The following PTPRN2 variants were observed in gnomAD, a reference collection of about 807,000 sequenced individuals.
The protein encoded by PTPRN2 is protein tyrosine phosphatase receptor type N2.
Under a neutral mutation model 118.8 loss-of-function variants are expected in PTPRN2, and 74 were observed. The observed-to-expected ratio is 0.62, with a 90% CI of 0.52 to 0.76. The LOEUF (loss-of-function observed/expected upper bound fraction) is 0.76. Among genes scored for constraint, PTPRN2 ranks in the 30% least tolerant of loss-of-function variants. PTPRN2 has a pLI of 0.00. For synonymous variants in PTPRN2, 641 were observed against 608.0 expected (o/e 1.05, Z -0.80); for missense variants, 1,481 against 1,394.4 (o/e 1.06, Z -0.99).
chr7:157,828,994 C>T (rs972293053), intron 12 of PTPRN2, among the ~76,000 whole-genome samples: 2 of 152,242 alleles, frequency 1.3e-5, no homozygotes, highest in African/African-American at 4.8e-5. Context: ...AAATTGATGA[C>T]ATCCCCATCT....
At chr7:157,687,823 G>A (rs1213781006) in intron 12 of PTPRN2, among the ~76,000 whole-genome samples, 1 of 152,194 alleles carries the variant, frequency 6.6e-6, no homozygotes, top group African/African-American at 2.4e-5. Flanking sequence ...GGGAAGGGGT[G>A]TCTTAAAATA....
intron 11 of PTPRN2, among the ~76,000 whole-genome samples, chr7:158,001,485 T>C (rs148879251): frequency 2.9e-3 from 434 of 151,992 alleles, no homozygotes; most frequent in African/African-American, 9.9e-3. Flanking sequence ...CAAACCTACC[T>C]CCTATACCCA....
intron 2 of PTPRN2, among the ~76,000 whole-genome samples, chr7:158,460,597 G>A (rs572455708): frequency 6.6e-6 from 1 of 151,218 alleles, no homozygotes; most frequent in Admixed American, 6.6e-5. Flanking sequence ...ACATGTTCCT[G>A]CTACGGGGGC....
rs1250534822 is a variant in PTPRN2, at chr7:158,087,731, T to C, written c.1644-6354A>G. On this transcript the variant is annotated intron_variant, in intron 10 of 22. Coordinates refer to ENST00000389418, the MANE Select transcript of PTPRN2 (RefSeq NM_002847.5). The stretch of plus-strand genomic sequence containing the variant: ...GGAGGGAGTCTTCACACAAACCTTC[T>C]TCCCTTGATGAAAGAGGGAGTCTTC... Among the ~76,000 whole-genome samples, 155 of 41,090 alleles carry C rather than the reference T, an allele frequency of 3.8e-3. 2 individuals carry two copies. The highest frequency in any genetic ancestry group is 7.5e-3 in the African/African-American group (146 of 19,546). The allele number at this position is 41,090 out of a possible 152,430, so 27.0% of individuals were successfully genotyped here.
intron 13 of PTPRN2, among the ~76,000 whole-genome samples, chr7:157,679,403 T>C (rs1796814860): frequency 6.6e-6 from 1 of 152,170 alleles, no homozygotes; most frequent in African/African-American, 2.4e-5. Flanking sequence ...ATGGGGTTGA[T>C]ATCCTGGTAA....
chr7:158,042,307 C>G (rs562072597), intron 11 of PTPRN2, among the ~76,000 whole-genome samples: 1 of 152,192 alleles, frequency 6.6e-6, no homozygotes, highest in Admixed American at 6.5e-5. Flanking sequence ...TCTTCCCCAG[C>G]AGAGGGGTCG....
At chr7:157,754,884 G>A (rs1022081042) in intron 12 of PTPRN2, among the ~76,000 whole-genome samples, 2 of 152,010 alleles carry the variant, frequency 1.3e-5, no homozygotes, top group East Asian at 3.9e-4. Context: ...AGATTATAAT[G>A]CTTTTGTTGT....
intron 12 of PTPRN2, among the ~76,000 whole-genome samples, chr7:157,714,862 C>G (rs1313607240): frequency 1.3e-5 from 2 of 151,770 alleles, no homozygotes; most frequent in East Asian, 3.9e-4. Context: ...TTCTCCTGAG[C>G]AGATTCTAGG....
intron 12 of PTPRN2, among the ~76,000 whole-genome samples, chr7:157,819,434 G>A (rs922624335): frequency 2.6e-5 from 4 of 152,176 alleles, no homozygotes; most frequent in African/African-American, 2.4e-5. Flanking sequence ...CAGGGGCTGC[G>A]CAGAGGAAGA....
At chr7:158,396,323 C>T (rs1283761672) in intron 2 of PTPRN2, among the ~76,000 whole-genome samples, 1 of 152,210 alleles carries the variant, frequency 6.6e-6, no homozygotes, top group Non-Finnish European at 1.5e-5. Context: ...ATCTCTATTT[C>T]AAACCCGCAA....
At chr7:158,136,862 A>G (rs1329708867) in intron 7 of PTPRN2, among the ~76,000 whole-genome samples, 167 bp from the exon 8 acceptor site, 2 of 152,252 alleles carry the variant, frequency 1.3e-5, no homozygotes, top group African/African-American at 4.8e-5. Flanking sequence ...ATAGCACAAA[A>G]TGGCATTCTG....
At chr7:158,171,137 C>T (rs199969966) in intron 5 of PTPRN2, among the ~76,000 whole-genome samples, 5 of 71,526 alleles carry the variant, frequency 7.0e-5, no homozygotes, top group South Asian at 9.2e-4. Flanking sequence ...CACATATATA[C>T]ACACATATAT....
chr7:157,727,212 G>C (rs767605088), intron 12 of PTPRN2, among the ~76,000 whole-genome samples: 2 of 152,204 alleles, frequency 1.3e-5, no homozygotes, highest in Non-Finnish European at 1.5e-5. Context: ...AGCAGCCAAA[G>C]GGTGGATGCA....
intron 3 of PTPRN2, among the ~76,000 whole-genome samples, chr7:158,227,297 AG>A (rs1212372208): frequency 6.6e-6 from 1 of 152,226 alleles, no homozygotes; most frequent in African/African-American, 2.4e-5. Flanking sequence ...CTCAGGAGCC[AG>A]GAGAAGAGAG....
chr7:157,677,171 G>C (rs17837794), intron 13 of PTPRN2, among the ~76,000 whole-genome samples: 8,126 of 152,246 alleles, frequency 0.053, 359 homozygotes, highest in East Asian at 0.13. Context: ...TCATACCCAG[G>C]TGTGAAAAGC....
chr7:158,097,309 C>T (rs1210420808), intron 10 of PTPRN2, among the ~76,000 whole-genome samples: 13 of 152,124 alleles, frequency 8.5e-5, no homozygotes, highest in African/African-American at 1.2e-4. Context: ...GCACCTCCCG[C>T]GCCCCGTGCA....
At chr7:158,473,670 A>G (rs1311305087) in intron 2 of PTPRN2, among the ~76,000 whole-genome samples, 4 of 152,228 alleles carry the variant, frequency 2.6e-5, no homozygotes, top group Non-Finnish European at 5.9e-5. Context: ...TCAGCCTCAG[A>G]AAATCTAGAG....
chr7:157,783,594 C>T (rs906449507), intron 12 of PTPRN2, among the ~76,000 whole-genome samples: 2 of 150,668 alleles, frequency 1.3e-5, no homozygotes, highest in Non-Finnish European at 2.9e-5. Flanking sequence ...CTAAAGTTGA[C>T]CGATCCTGGC....
intron 9 of PTPRN2, among the ~76,000 whole-genome samples, chr7:158,124,674 G>A (rs1157230186): frequency 1.3e-5 from 2 of 152,182 alleles, no homozygotes; most frequent in African/African-American, 4.8e-5. Flanking sequence ...CTCCCAGACG[G>A]GACAGGTGCA....
Sources: allele counts gnomAD v4.1 joint callset (sites outside exome capture counted in the v4.1 genomes callset), GRCh38; gene constraint gnomAD v4.1.1; transcripts MANE v1.5; gene names NCBI Gene and HGNC (gene_info 2026-07-23, HGNC 2026-07-21).